COL1A2: variants seen among roughly 807,000 people sequenced by gnomAD.
COL1A2 encodes the protein collagen alpha-2(I) chain.
COL1A2 carries 49 observed loss-of-function variants against 174.3 expected under a neutral mutation model. That is an observed-to-expected ratio of 0.28 (90% confidence interval 0.22 to 0.36). The LOEUF (loss-of-function observed/expected upper bound fraction) is 0.36, where lower values mean the gene tolerates loss of function less well. Among genes scored for constraint, COL1A2 ranks in the 10% least tolerant of loss-of-function variants. The pLI is 1.00. For synonymous variants in COL1A2, 655 were observed against 606.6 expected (o/e 1.08, Z -1.17); for missense variants, 1,438 against 1,822.7 (o/e 0.79, Z 3.84).
intron 29 of COL1A2, 134 bp downstream of exon 29, chr7:94,414,409 A>G: frequency 1.2e-6 from 1 of 841,296 alleles, no homozygotes; most frequent in East Asian, 2.7e-5. Context: ...AGTGTTTTAC[A>G]TACTTTGGTG....
chr7:94,428,179 G>T (rs1792323730), intron 49 of COL1A2, 114 bp from the exon 50 acceptor site: 1 of 980,986 alleles, frequency 1.0e-6, no homozygotes. Context: ...TTAAATATGG[G>T]GTAGACAATC....
At chr7:94,408,292 G>C in intron 14 of COL1A2, 44 bp from the exon 15 acceptor site, 17 of 1,613,880 alleles carry the variant, frequency 1.1e-5, no homozygotes, top group Non-Finnish European at 1.4e-5. Context: ...TCTAATGGCT[G>C]TCATTTAAGT....
intron 39 of COL1A2, 131 bp downstream of exon 39, chr7:94,422,083 C>A: frequency 2.9e-6 from 2 of 692,056 alleles, no homozygotes; most frequent in South Asian, 2.1e-5. Flanking sequence ...GGTCTGAAGT[C>A]AGCTTTTCTG....
intron 31 of COL1A2, among the ~76,000 whole-genome samples, chr7:94,417,223 A>G (rs1246003533): frequency 6.6e-6 from 1 of 152,146 alleles, no homozygotes; most frequent in Non-Finnish European, 1.5e-5. Context: ...TTTCAAAGGG[A>G]TCTATGTATC....
At position 94,430,363 on chromosome 7, in the gene COL1A2, T is replaced by G. The variant is rs1584333542; in HGVS notation, c.4071T>G (p.Phe1357Leu). ...TCGGTGGTGCTGACCAGGAATTCTTTGTGGACATTGGCCCAGTCTGTTTCA... is the reference window on the plus strand; with the variant it reads ...TCGGTGGTGCTGACCAGGAATTCTTGGTGGACATTGGCCCAGTCTGTTTCA... Reference protein sequence around the residue: ...LDIGGADQEFFVDIGPVCFK With the variant: ...LDIGGADQEFLVDIGPVCFK The change falls in exon 52 of 52, where the codon TTT becomes TTG. Residue 1357 changes from phenylalanine to leucine, a missense_variant. Physicochemically the swap from Phe to Leu is conservative, Grantham distance 22 (BLOSUM62 0). Around this residue, in one of 3 missense-constraint regions of COL1A2, gnomAD observed 290 missense variants for 298.1 expected, o/e 0.97. Transcript: ENST00000297268. The G allele has an allele frequency of 6.2e-7, 1 of 1,614,092 alleles. No homozygotes were observed. The highest frequency in any genetic ancestry group is 8.5e-7 in the Non-Finnish European group (1 of 1,179,960).
chr7:94,406,267 T>C lies in COL1A2; in HGVS notation c.558T>C (p.Asp186=). The change falls in exon 12 of 52, where the codon GAT becomes GAC. Residue 186 remains aspartate, a synonymous_variant. Transcript: ENST00000297268. ...CCTTTCAGGGACACAATGGTCTGGA[T>C]GGATTGAAGGGACAGCCCGGTGCTC... ...FKGIRGHNGL[D]GLKGQPGAPG... The C allele has an allele frequency of 6.2e-7, 1 of 1,614,018 alleles. No individual in the cohort carries two copies. Among genetic ancestry groups the C allele is most frequent in the South Asian group, 1.1e-5 (1 of 91,080 alleles).
chr7:94,424,986 G>T, intron 41 of COL1A2, 131 bp from the exon 42 acceptor site: 1 of 764,640 alleles, frequency 1.3e-6, no homozygotes, highest in Non-Finnish European at 2.3e-6. Flanking sequence ...TCTTACCATT[G>T]TGTGACCCAT....
In COL1A2 at chr7:94,425,811, A is replaced by G; in HGVS notation, c.2897A>G (p.His966Arg). ...GGTGCTGCAGGTGCACCTGGTCCTC[A>G]TGGCCCCGTGGGTCCTGCTGGCAAA... The part of the protein sequence containing the change: ...PVGAAGAPGP[H>R]GPVGPAGKHG... Residue 966 changes from histidine (H) to arginine (R), a missense_variant, in exon 44 of 52, where the codon CAT becomes CGT. Physicochemically the swap from His to Arg is conservative, Grantham distance 29. Coordinates refer to ENST00000297268, the MANE Select transcript of COL1A2 (RefSeq NM_000089.4). 6.2e-7 allele frequency: 1 copy of G among 1,612,846 alleles called. No individual in the cohort carries two copies. The highest frequency in any genetic ancestry group is 1.1e-5 in the South Asian group (1 of 90,820).
intron 34 of COL1A2, among the ~76,000 whole-genome samples, 161 bp downstream of exon 34, chr7:94,419,712 T>C (rs555189228): frequency 1.3e-5 from 2 of 152,310 alleles, no homozygotes; most frequent in East Asian, 3.9e-4. Context: ...ATGCTGTGTG[T>C]TTAAAATTAC....
At chr7:94,407,653 C>G (rs1046590233) in intron 12 of COL1A2, among the ~76,000 whole-genome samples, 194 bp from the exon 13 acceptor site, 1 of 152,078 alleles carries the variant, frequency 6.6e-6, no homozygotes, top group African/African-American at 2.4e-5. Flanking sequence ...ATATGTGGTA[C>G]TATCTGAATA....
intron 40 of COL1A2, 63 bp from the exon 41 acceptor site, chr7:94,424,273 A>C: frequency 1.4e-6 from 2 of 1,400,554 alleles, no homozygotes; most frequent in Non-Finnish European, 2.0e-6. Flanking sequence ...CACAATCTTC[A>C]AGCCAACCTG....
intron 12 of COL1A2, among the ~76,000 whole-genome samples, 180 bp from the exon 13 acceptor site, chr7:94,407,667 A>T (rs1005107247): frequency 1.3e-5 from 2 of 152,118 alleles, no homozygotes; most frequent in Admixed American, 6.5e-5. Flanking sequence ...CTGAATAAAA[A>T]CTCATGTTAG....
chr7:94,421,095 CT>C (rs1433152835), intron 38 of COL1A2, 33 bp downstream of exon 38: 1 of 1,603,252 alleles, frequency 6.2e-7, no homozygotes, highest in Non-Finnish European at 8.5e-7. Flanking sequence ...CGCCGCTTTT[CT>C]TTTTTCAGAA....
chr7:94,424,930 C>A (rs538909940), intron 41 of COL1A2, 187 bp from the exon 42 acceptor site: 17 of 629,158 alleles, frequency 2.7e-5, no homozygotes, highest in Admixed American at 9.3e-5. Flanking sequence ...ATAAAGCTGG[C>A]CATCTACATG....
chr7:94,416,979 A>G (rs1392247900), intron 31 of COL1A2, among the ~76,000 whole-genome samples: 1 of 152,232 alleles, frequency 6.6e-6, no homozygotes, highest in Non-Finnish European at 1.5e-5. Flanking sequence ...CCAAAATAGA[A>G]TCTGTGGTTT....
intron 32 of COL1A2, among the ~76,000 whole-genome samples, chr7:94,418,282 T>C (rs986947472): frequency 6.6e-6 from 1 of 152,174 alleles, no homozygotes. Flanking sequence ...GAAAAGATTG[T>C]TTAACAATAA....
At chr7:94,426,563 T>A (rs1412564571) in intron 46 of COL1A2, 33 bp downstream of exon 46, 1 of 1,526,238 alleles carries the variant, frequency 6.6e-7, no homozygotes, top group Non-Finnish European at 9.0e-7. Flanking sequence ...GCACATAAAC[T>A]GATCCTGAAG....
chr7:94,426,148 T>A, intron 45 of COL1A2, 97 bp downstream of exon 45: 1 of 1,196,900 alleles, frequency 8.4e-7, no homozygotes, highest in Non-Finnish European at 1.2e-6. Flanking sequence ...CAGCTAGACT[T>A]AATATTTTTT....
intron 33 of COL1A2, 21 bp from the exon 34 acceptor site, chr7:94,419,477 A>G (rs1562904790): frequency 1.9e-6 from 3 of 1,613,832 alleles, no homozygotes; most frequent in South Asian, 1.1e-5. Context: ...TTAATAAGAC[A>G]TGTTTCCTTT....
Sources: gnomAD v4.1 joint callset for allele counts (sites outside exome capture counted in the v4.1 genomes callset) on GRCh38, gnomAD v4.1.1 for gene constraint, gnomAD v4.1.1 regional missense constraint, MANE v1.5 for transcripts, NCBI Gene and HGNC (gene_info 2026-07-23, HGNC 2026-07-21) for gene names.